SUGCT: variants seen among roughly 807,000 people sequenced by gnomAD.
SUGCT encodes succinyl-CoA:glutarate CoA-transferase.
In SUGCT, 41 loss-of-function variants were observed where a neutral mutation model predicts 55.0. The observed-to-expected ratio is 0.74, with a 90% CI of 0.58 to 0.97. SUGCT has a LOEUF of 0.97. Among genes scored for constraint, SUGCT ranks in the 50% least tolerant of loss-of-function variants. The pLI is 0.00. For synonymous variants in SUGCT, 187 were observed against 200.4 expected (o/e 0.93, Z 0.56); for missense variants, 568 against 547.8 (o/e 1.04, Z -0.37).
chr7:40,526,708 C>A (rs541357387), intron 12 of SUGCT, among the ~76,000 whole-genome samples: 1 of 152,286 alleles, frequency 6.6e-6, no homozygotes, highest in South Asian at 2.1e-4. Flanking sequence ...CATTCTGAAC[C>A]TAGTCTGCTG....
intron 11 of SUGCT, among the ~76,000 whole-genome samples, chr7:40,459,669 C>A (rs927565420): frequency 6.6e-6 from 1 of 152,120 alleles, no homozygotes; most frequent in African/African-American, 2.4e-5. Context: ...GAGGTGAAAT[C>A]AAGAGTTGGT....
At chr7:40,700,701 T>A (rs77811863) in intron 12 of SUGCT, among the ~76,000 whole-genome samples, 3,675 of 152,316 alleles carry the variant, frequency 0.024, 153 homozygotes, top group African/African-American at 0.084. Flanking sequence ...GTTCTTTTCC[T>A]AATTTCCAAC....
At chr7:40,370,928 C>A (rs1222978704) in intron 9 of SUGCT, among the ~76,000 whole-genome samples, 1 of 152,076 alleles carries the variant, frequency 6.6e-6, no homozygotes, top group Non-Finnish European at 1.5e-5. Flanking sequence ...AGCCCTTCAT[C>A]TTAGTTAACT....
chr7:40,899,357 T>C, the SUGCT span, among the ~76,000 whole-genome samples: 2 of 152,164 alleles, frequency 1.3e-5, no homozygotes, highest in African/African-American at 2.4e-5. Flanking sequence ...CCTCGGTGGC[T>C]ATAAATACGC....
chr7:40,666,424 T>TTTG (rs1801646077), intron 12 of SUGCT, among the ~76,000 whole-genome samples: 1 of 144,230 alleles, frequency 6.9e-6, no homozygotes, highest in African/African-American at 2.6e-5. Context: ...GGTTAGTTTT[T>TTTG]TTTTTTTTTT....
At chr7:40,321,528 C>T (rs1301735410) in intron 9 of SUGCT, among the ~76,000 whole-genome samples, 2 of 151,844 alleles carry the variant, frequency 1.3e-5, no homozygotes, top group African/African-American at 2.4e-5. Context: ...GACTATAGGC[C>T]TGTGCCACCA....
the SUGCT span, among the ~76,000 whole-genome samples, chr7:40,962,025 G>A: frequency 1.3e-5 from 2 of 152,032 alleles, no homozygotes; most frequent in Non-Finnish European, 2.9e-5. Flanking sequence ...CAGCTGGCTT[G>A]GGTGGCCTGC....
At chr7:40,393,731 C>T (rs1785569579) in intron 9 of SUGCT, among the ~76,000 whole-genome samples, 2 of 152,126 alleles carry the variant, frequency 1.3e-5, no homozygotes, top group South Asian at 4.1e-4. Flanking sequence ...CACGGGTCTA[C>T]AGACCCATTT....
the SUGCT span, among the ~76,000 whole-genome samples, chr7:40,894,128 A>G: frequency 6.6e-6 from 1 of 152,168 alleles, no homozygotes; most frequent in Admixed American, 6.6e-5. Flanking sequence ...TGATACAAAA[A>G]CAGGCACATA....
At chr7:40,212,720 A>G in intron 6 of SUGCT, among the ~76,000 whole-genome samples, 1 of 152,126 alleles carries the variant, frequency 6.6e-6, no homozygotes, top group South Asian at 2.1e-4. Flanking sequence ...TTTTTAGTAC[A>G]GACAGGGTTT....
the SUGCT span, among the ~76,000 whole-genome samples, chr7:40,919,382 A>G: frequency 2.0e-5 from 3 of 152,226 alleles, no homozygotes; most frequent in Non-Finnish European, 4.4e-5. Flanking sequence ...CTGGGAAATT[A>G]CCTTTGAATC....
At chr7:40,512,736 AC>A (rs1344055369) in intron 12 of SUGCT, among the ~76,000 whole-genome samples, 1 of 152,022 alleles carries the variant, frequency 6.6e-6, no homozygotes, top group Non-Finnish European at 1.5e-5. Context: ...AGAAGTAGTA[AC>A]TGGCATAGAA....
chr7:40,702,928 T>C (rs1308786966), intron 12 of SUGCT, among the ~76,000 whole-genome samples: 1 of 152,218 alleles, frequency 6.6e-6, no homozygotes, highest in African/African-American at 2.4e-5. Context: ...GTTCTGTTTT[T>C]ATATGTGACA....
At chr7:40,668,633 G>C (rs1220599771) in intron 12 of SUGCT, among the ~76,000 whole-genome samples, 1 of 152,132 alleles carries the variant, frequency 6.6e-6, no homozygotes, top group Non-Finnish European at 1.5e-5. Context: ...AGACTGGTTA[G>C]ACATCTCAAG....
intron 8 of SUGCT, among the ~76,000 whole-genome samples, chr7:40,315,500 T>C (rs982796360): frequency 2.0e-5 from 3 of 152,194 alleles, no homozygotes; most frequent in Admixed American, 6.5e-5. Flanking sequence ...CCACAGGCAG[T>C]TCCAATTTTG....
At chr7:40,326,372 A>G (rs1796028449) in intron 9 of SUGCT, among the ~76,000 whole-genome samples, 1 of 152,196 alleles carries the variant, frequency 6.6e-6, no homozygotes, top group Non-Finnish European at 1.5e-5. Context: ...TGGTGTGTTG[A>G]ACTAATAATT....
chr7:40,783,315 G>A (rs181922355), intron 13 of SUGCT, among the ~76,000 whole-genome samples: 4 of 152,228 alleles, frequency 2.6e-5, no homozygotes, highest in Admixed American at 1.3e-4. Context: ...CATACAGAAT[G>A]AGATAGAACT....
intron 1 of SUGCT, among the ~76,000 whole-genome samples, chr7:40,138,202 T>C (rs1368949169): frequency 6.6e-6 from 1 of 152,164 alleles, no homozygotes; most frequent in African/African-American, 2.4e-5. Flanking sequence ...TGCTTCCATA[T>C]GTACGCATTA....
At position 40,663,917 on chromosome 7, in the gene SUGCT, C is replaced by T. The variant is rs113046021; in HGVS notation, c.1090-85517C>T. On this transcript the variant is annotated intron_variant, in intron 12 of 13. Transcript: ENST00000335693. ...TATCCCTAATACCTCAGAATATGACCTTATTGGGAGATAAACTCTTTACAG... is the reference window on the plus strand; with the variant it reads ...TATCCCTAATACCTCAGAATATGACTTTATTGGGAGATAAACTCTTTACAG... 8.7e-3 allele frequency among the ~76,000 whole-genome samples: 1,329 copies of T among 152,162 alleles called. 21 individuals are homozygous for T. The highest frequency in any genetic ancestry group is 0.03 in the African/African-American group (1,257 of 41,504).
Sources: gnomAD v4.1 joint callset for allele counts (sites outside exome capture counted in the v4.1 genomes callset) on GRCh38, gnomAD v4.1.1 for gene constraint, MANE v1.5 for transcripts, NCBI Gene and HGNC (gene_info 2026-07-23, HGNC 2026-07-21) for gene names.